The following LHX8 variants were observed in gnomAD, a reference collection of about 807,000 sequenced individuals.
LHX8 encodes the protein LIM/homeobox protein Lhx8.
In LHX8, 12 loss-of-function variants were observed where a neutral mutation model predicts 40.3. The ratio of observed to expected loss-of-function variants is 0.30; its 90% CI spans 0.19 to 0.48. The LOEUF is 0.48. LHX8 is among the 20% of genes least tolerant of loss of function. The pLI, the probability that LHX8 is intolerant of heterozygous loss-of-function variation, is 0.99. For synonymous variants in LHX8, 179 were observed against 162.0 expected, an observed-to-expected ratio of 1.10 and a Z score of -0.80; for missense variants, 344 against 433.7, an observed-to-expected ratio of 0.79 and a Z score of 1.84.
the LHX8 span, among the ~76,000 whole-genome samples, chr1:75,169,322 C>T: frequency 1.3e-5 from 2 of 152,330 alleles, no homozygotes; most frequent in East Asian, 3.9e-4. Flanking sequence ...TGCTTAATCT[C>T]ACGGAGCCTG....
the LHX8 span, among the ~76,000 whole-genome samples, chr1:75,175,629 C>T: frequency 6.6e-6 from 1 of 151,968 alleles, no homozygotes; most frequent in African/African-American, 2.4e-5. Context: ...TATTCATGTC[C>T]TTAGCCCACT....
At position 75,155,320 on chromosome 1, in the gene LHX8, C is replaced by T. The variant is rs961458861; in HGVS notation, c.781-1573C>T. On this transcript the variant is annotated intron_variant, in intron 7 of 8. Transcript: ENST00000356261. ...CATGATCTTGGCTCACTGCAAGCTC[C>T]ACCTCCCAGGTTCACTCCATTCTCC... is the stretch of plus-strand genomic sequence containing the variant. 6.0e-5 allele frequency among the ~76,000 whole-genome samples: 9 copies of T among 149,210 alleles called. No homozygotes were observed. The South Asian group carries it at 1.7e-3, about 28-fold the overall frequency.
the LHX8 span, among the ~76,000 whole-genome samples, chr1:75,170,224 T>G: frequency 6.6e-6 from 1 of 152,296 alleles, no homozygotes; most frequent in East Asian, 1.9e-4. Flanking sequence ...CCAGTCACCT[T>G]GTATGGTAAT....
the LHX8 span, among the ~76,000 whole-genome samples, chr1:75,187,514 T>C: frequency 2.0e-5 from 3 of 152,044 alleles, no homozygotes; most frequent in Non-Finnish European, 4.4e-5. Context: ...AGGAAAGTAT[T>C]GGGGGGGTCC....
intron 8 of LHX8, chr1:75,159,240 G>A (rs962331941): frequency 6.6e-6 from 1 of 152,046 alleles, no homozygotes; most frequent in African/African-American, 2.4e-5. Context: ...CCATTTATTG[G>A]TAAAGTCAGC....
intron 8 of LHX8, among the ~76,000 whole-genome samples, chr1:75,158,569 G>A (rs138560868): frequency 1.7e-3 from 255 of 152,260 alleles, no homozygotes; most frequent in African/African-American, 5.8e-3. Flanking sequence ...TTTGTGTGTG[G>A]TGTGAGGTAG....
chr1:75,190,122 C>T, the LHX8 span, among the ~76,000 whole-genome samples: 79 of 152,166 alleles, frequency 5.2e-4, no homozygotes, highest in Admixed American at 9.2e-4. Flanking sequence ...TAATGGCTAA[C>T]TCTGCCCTGG....
chr1:75,170,273 T>C, the LHX8 span, among the ~76,000 whole-genome samples: 4 of 152,310 alleles, frequency 2.6e-5, no homozygotes, highest in East Asian at 7.7e-4. Context: ...TGATATAAAA[T>C]TCTGTTTAAT....
chr1:75,192,930 G>A, the LHX8 span, among the ~76,000 whole-genome samples: 63 of 152,276 alleles, frequency 4.1e-4, no homozygotes, highest in African/African-American at 1.4e-3. Flanking sequence ...CTGACCTCAG[G>A]TGATCTGCCT....
chr1:75,184,481 C>A, the LHX8 span, among the ~76,000 whole-genome samples: 1 of 152,100 alleles, frequency 6.6e-6, no homozygotes, highest in Non-Finnish European at 1.5e-5. Context: ...CAAAACCACA[C>A]AATTACATGA....
chr1:75,196,099 T>A, the LHX8 span, among the ~76,000 whole-genome samples: 1 of 152,156 alleles, frequency 6.6e-6, no homozygotes, highest in Non-Finnish European at 1.5e-5. Flanking sequence ...TCTTCCACAC[T>A]GCCTTCCATT....
the LHX8 span, among the ~76,000 whole-genome samples, chr1:75,190,858 T>A: frequency 1.3e-5 from 2 of 152,178 alleles, no homozygotes; most frequent in Admixed American, 1.3e-4. Flanking sequence ...ATAGTAATTC[T>A]GTGTAATGTA....
At chr1:75,169,191 C>T in the LHX8 span, among the ~76,000 whole-genome samples, 1,671 of 152,228 alleles carry the variant, frequency 0.011, 37 homozygotes, top group African/African-American at 0.038. Context: ...TTCACTTGCT[C>T]TCTTGCTTCC....
chr1:75,196,046 G>C, the LHX8 span, among the ~76,000 whole-genome samples: 2 of 152,158 alleles, frequency 1.3e-5, no homozygotes, highest in African/African-American at 4.8e-5. Context: ...TGTAATGACT[G>C]CTCTGAAGAG....
At chr1:75,189,058 C>A in the LHX8 span, among the ~76,000 whole-genome samples, 2 of 152,100 alleles carry the variant, frequency 1.3e-5, no homozygotes, top group Non-Finnish European at 2.9e-5. Flanking sequence ...TTTAGAAAAC[C>A]CTCCCACAAA....
chr1:75,186,382 G>C, the LHX8 span, among the ~76,000 whole-genome samples: 1 of 151,960 alleles, frequency 6.6e-6, no homozygotes, highest in African/African-American at 2.4e-5. Flanking sequence ...CCAGAAATAA[G>C]GCTGCACACC....
At chr1:75,144,045 TA>T in intron 6 of LHX8, 97 bp downstream of exon 6, 1 of 909,104 alleles carries the variant, frequency 1.1e-6, no homozygotes, top group Non-Finnish European at 1.8e-6. Flanking sequence ...TTATGTTTTC[TA>T]AAAAATTAGC....
the LHX8 span, among the ~76,000 whole-genome samples, chr1:75,174,457 G>A: frequency 6.6e-6 from 1 of 152,078 alleles, no homozygotes; most frequent in Non-Finnish European, 1.5e-5. Flanking sequence ...ATTTTTTTAT[G>A]CTGGGGTCCA....
chr1:75,134,175 A>AT (rs1043826904), upstream of LHX8, among the ~76,000 whole-genome samples: 18 of 151,182 alleles, frequency 1.2e-4, 1 homozygote, highest in South Asian at 8.4e-4. Flanking sequence ...ACATCCCCCA[A>AT]TTTTTTTTTC....
Sources: gnomAD v4.1 joint callset for allele counts (sites outside exome capture counted in the v4.1 genomes callset) on GRCh38, gnomAD v4.1.1 for gene constraint, MANE v1.5 for transcripts, NCBI Gene and HGNC (gene_info 2026-07-23, HGNC 2026-07-21) for gene names.